Variants in CCDC88A observed in about 807,000 individuals in gnomAD.
The protein encoded by CCDC88A is girdin.
A neutral mutation model predicts 234.3 loss-of-function variants in CCDC88A; 54 were observed. The ratio of observed to expected loss-of-function variants is 0.23; its 90% CI spans 0.19 to 0.29. The LOEUF (loss-of-function observed/expected upper bound fraction) is 0.29. Among genes scored for constraint, CCDC88A ranks in the 10% least tolerant of loss-of-function variants. CCDC88A has a pLI of 1.00. For missense variants in CCDC88A, 1,832 were observed against 2,123.4 expected (o/e 0.86, Z 2.70); for synonymous variants, 753 against 737.8 (o/e 1.02, Z -0.33).
intron 7 of CCDC88A, among the ~76,000 whole-genome samples, chr2:55,360,982 G>A (rs946631840): frequency 1.2e-4 from 18 of 152,078 alleles, no homozygotes; most frequent in Non-Finnish European, 7.4e-5. Context: ...CCAGCTACTT[G>A]GGAGGCTGAG....
intron 23 of CCDC88A, among the ~76,000 whole-genome samples, chr2:55,312,032 TC>T (rs1217136016): frequency 6.6e-6 from 1 of 152,158 alleles, no homozygotes; most frequent in Admixed American, 6.5e-5. Flanking sequence ...ATTGCAGCTC[TC>T]CTGGGCTGGC....
intron 3 of CCDC88A, among the ~76,000 whole-genome samples, chr2:55,377,792 T>G (rs982871760): frequency 6.1e-5 from 9 of 148,002 alleles, no homozygotes; most frequent in Non-Finnish European, 1.0e-4. Context: ...GTATTTTTAG[T>G]AGACAGGGTT....
intron 7 of CCDC88A, 94 bp from the exon 8 acceptor site, chr2:55,355,845 T>C (rs1670501676): frequency 2.2e-6 from 2 of 901,370 alleles, no homozygotes; most frequent in East Asian, 2.6e-5. Context: ...TGTACTGCCA[T>C]ATCAAAAACA....
At chr2:55,365,342 T>C (rs918840511) in intron 5 of CCDC88A, among the ~76,000 whole-genome samples, 1 of 152,132 alleles carries the variant, frequency 6.6e-6, no homozygotes, top group Non-Finnish European at 1.5e-5. Flanking sequence ...TAATTAACTT[T>C]TCAGGTATAG....
At chr2:55,354,354 C>A (rs1670288067) in intron 8 of CCDC88A, among the ~76,000 whole-genome samples, 3 of 151,972 alleles carry the variant, frequency 2.0e-5, no homozygotes, top group Non-Finnish European at 4.4e-5. Context: ...TGGTCTTGAA[C>A]TCCTGACCTC....
intron 17 of CCDC88A, among the ~76,000 whole-genome samples, chr2:55,327,588 A>T (rs1684428816): frequency 6.6e-6 from 1 of 152,198 alleles, no homozygotes; most frequent in East Asian, 1.9e-4. Flanking sequence ...GAGTACAGCG[A>T]TTCTAAATGT....
chr2:55,386,821 A>T (rs1416176345), intron 3 of CCDC88A, among the ~76,000 whole-genome samples: 1 of 152,050 alleles, frequency 6.6e-6, no homozygotes, highest in Non-Finnish European at 1.5e-5. Context: ...TCTTCCAAAA[A>T]CAAGAGTGAA....
At chr2:55,402,203 CAG>C (rs1678818158) in intron 2 of CCDC88A, among the ~76,000 whole-genome samples, 1 of 152,008 alleles carries the variant, frequency 6.6e-6, no homozygotes, top group Non-Finnish European at 1.5e-5. Flanking sequence ...CTAAATGTAA[CAG>C]TGTTTGTTAA....
At chr2:55,336,602 T>A in intron 14 of CCDC88A, 79 bp downstream of exon 14, 1 of 887,702 alleles carries the variant, frequency 1.1e-6, no homozygotes, top group South Asian at 2.2e-5. Flanking sequence ...TATATGAACA[T>A]TTTGTTTGCA....
intron 7 of CCDC88A, among the ~76,000 whole-genome samples, chr2:55,360,304 T>G (rs1209425274): frequency 6.6e-6 from 1 of 152,108 alleles, no homozygotes; most frequent in East Asian, 1.9e-4. Flanking sequence ...ACAAAAAAAG[T>G]TAAAGAGAAA....
chr2:55,411,289 A>G (rs983908632), intron 2 of CCDC88A, among the ~76,000 whole-genome samples: 2 of 152,224 alleles, frequency 1.3e-5, no homozygotes, highest in Admixed American at 6.5e-5. Context: ...CTAGTCTCCC[A>G]TAATATATAT....
At chr2:55,299,220 C>T (rs1037317838) in intron 29 of CCDC88A, among the ~76,000 whole-genome samples, 2 of 152,016 alleles carry the variant, frequency 1.3e-5, no homozygotes, top group African/African-American at 4.8e-5. Flanking sequence ...AACAAACAAA[C>T]AACTTCCAGA....
intron 7 of CCDC88A, among the ~76,000 whole-genome samples, chr2:55,359,384 G>A (rs1011567650): frequency 1.8e-4 from 28 of 151,678 alleles, no homozygotes; most frequent in African/African-American, 6.3e-4. Flanking sequence ...AAAGAAACCT[G>A]GTATTTTAAA....
chr2:55,407,792 A>G (rs1679846714), intron 2 of CCDC88A, among the ~76,000 whole-genome samples: 1 of 144,158 alleles, frequency 6.9e-6, no homozygotes, highest in Admixed American at 7.1e-5. Context: ...ATCTCAGCTC[A>G]CTGCAGCCTC....
intron 27 of CCDC88A, chr2:55,301,591 C>T: frequency 1.9e-6 from 1 of 516,882 alleles, no homozygotes; most frequent in Non-Finnish European, 3.4e-6. Flanking sequence ...TTTTAGAAAA[C>T]TAGCATTGCC....
chr2:55,339,881 G>C, intron 12 of CCDC88A: 1 of 359,438 alleles, frequency 2.8e-6, no homozygotes, highest in Non-Finnish European at 4.9e-6. Flanking sequence ...ACCCAGGCTG[G>C]AGTGCAGTGA....
At chr2:55,373,279 A>G (rs926119633) in intron 4 of CCDC88A, among the ~76,000 whole-genome samples, 3 of 152,062 alleles carry the variant, frequency 2.0e-5, no homozygotes, top group Non-Finnish European at 2.9e-5. Context: ...GCCATTAATC[A>G]CCATTCTTCC....
At chr2:55,370,762 C>T (rs1459070728) in intron 5 of CCDC88A, among the ~76,000 whole-genome samples, 1 of 149,234 alleles carries the variant, frequency 6.7e-6, no homozygotes, top group Non-Finnish European at 1.5e-5. Context: ...AATCCCAGTA[C>T]TTTGGGAGGC....
chr2:55,381,454 G>A (rs564997716), intron 3 of CCDC88A, among the ~76,000 whole-genome samples: 287 of 151,822 alleles, frequency 1.9e-3, no homozygotes, highest in African/African-American at 6.6e-3. Context: ...TAGGGAGGCT[G>A]AGGTGGGGGG....
Sources: gnomAD v4.1 joint callset for allele counts (sites outside exome capture counted in the v4.1 genomes callset) on GRCh38, gnomAD v4.1.1 for gene constraint, MANE v1.5 for transcripts, NCBI Gene and HGNC (gene_info 2026-07-23, HGNC 2026-07-21) for gene names.